The following CIT variants were observed in gnomAD, a reference collection of about 807,000 sequenced individuals.
CIT encodes citron Rho-interacting kinase.
Under a neutral mutation model 272.7 loss-of-function variants are expected in CIT, and 79 were observed. That is an observed-to-expected ratio of 0.29 (90% CI 0.24 to 0.35). The LOEUF (loss-of-function observed/expected upper bound fraction) is 0.35. Ranked by LOEUF, CIT falls within the 10% of genes least tolerant of loss-of-function variation. The probability of loss-of-function intolerance (pLI) is 1.00; values close to 1 mark genes in which losing one functional copy is unlikely to be tolerated. For missense variants in CIT, 1,909 were observed against 2,618.3 expected, an observed-to-expected ratio of 0.73 and a Z score of 5.91; for synonymous variants, 948 against 995.6, an observed-to-expected ratio of 0.95 and a Z score of 0.90.
intron 13 of CIT, among the ~76,000 whole-genome samples, chr12:119,780,808 T>G (rs1466392968): frequency 6.6e-6 from 1 of 152,224 alleles, no homozygotes; most frequent in Non-Finnish European, 1.5e-5. Context: ...TAAATCCTTG[T>G]TCCGATGAAA....
intron 23 of CIT, among the ~76,000 whole-genome samples, chr12:119,746,482 G>A (rs1157961858): frequency 2.0e-5 from 3 of 152,210 alleles, no homozygotes; most frequent in Non-Finnish European, 4.4e-5. Context: ...ACAGGAAGCT[G>A]AGAGTGGAGT....
chr12:119,776,162 G>T (rs1233567990), intron 15 of CIT, among the ~76,000 whole-genome samples, 196 bp downstream of exon 15: 2 of 152,136 alleles, frequency 1.3e-5, no homozygotes, highest in Non-Finnish European at 2.9e-5. Context: ...TGACAAAAAT[G>T]AGCTGTCTTT....
chr12:119,860,846 C>T (rs1420006968), intron 3 of CIT, among the ~76,000 whole-genome samples: 1 of 151,306 alleles, frequency 6.6e-6, no homozygotes, highest in Non-Finnish European at 1.5e-5. Context: ...AAAGACCAGG[C>T]GCAATGGCTC....
Position 119,718,364 on chromosome 12 carries a change from G to A in CIT, c.4049C>T (p.Ala1350Val), listed in dbSNP as rs1957647209. Residue 1350 changes from alanine to valine, a missense_variant, in exon 32 of 48, where the codon GCC becomes GTC. Physicochemically the swap from Ala to Val is moderately conservative, Grantham distance 64. This residue lies in a region of CIT where 780 missense variants were observed against 1,067.2 expected (regional missense o/e 0.73). Coordinates refer to ENST00000392521, the MANE Select transcript of CIT (RefSeq NM_001206999.2). The surrounding 1 kb of genome is among the most constrained non-coding windows in gnomAD (Gnocchi z 4.8). ...CATGGCGATCTGCTGCCTCGCGGTGGCTGGCGTGGATGGGTGTGGGTGGTC... is the reference window on the plus strand; with the variant it reads ...CATGGCGATCTGCTGCCTCGCGGTGACTGGCGTGGATGGGTGTGGGTGGTC... Reference protein sequence around the residue: ...ATDHPHPSTPATARQQIAMSA... With the variant: ...ATDHPHPSTPVTARQQIAMSA... 1.2e-6 allele frequency: 2 copies of A among 1,613,958 alleles called. No individual in the cohort carries two copies. Among genetic ancestry groups the A allele is most frequent in the Non-Finnish European group, 8.5e-7 (1 of 1,179,962 alleles).
chr12:119,819,327 T>C (rs1332144166), intron 9 of CIT, among the ~76,000 whole-genome samples: 1 of 152,062 alleles, frequency 6.6e-6, no homozygotes, highest in Non-Finnish European at 1.5e-5. Flanking sequence ...CATGGGGTGC[T>C]GCCTGCAGCA....
At chr12:119,862,982 A>G (rs1213403311) in intron 3 of CIT, among the ~76,000 whole-genome samples, 1 of 150,046 alleles carries the variant, frequency 6.7e-6, no homozygotes, top group Non-Finnish European at 1.5e-5. Context: ...AGGCCGGCGG[A>G]TCACAAGGTC....
chr12:119,785,144 T>TTG, intron 10 of CIT, 79 bp from the exon 11 acceptor site: 1 of 1,461,870 alleles, frequency 6.8e-7, no homozygotes, highest in Non-Finnish European at 9.3e-7. Flanking sequence ...AACATTTGTT[T>TTG]CATTTTACAA....
intron 10 of CIT, among the ~76,000 whole-genome samples, chr12:119,787,397 C>T (rs181018154): frequency 3.2e-4 from 49 of 151,446 alleles, no homozygotes; most frequent in Middle Eastern, 3.4e-3. Context: ...TACCACTGCA[C>T]TCCAGTCTGG....
At chr12:119,830,861 G>A (rs777025555) in intron 7 of CIT, among the ~76,000 whole-genome samples, 22 of 151,944 alleles carry the variant, frequency 1.4e-4, no homozygotes, top group Non-Finnish European at 2.9e-4. Context: ...TTAATTTCAC[G>A]AATGCAGCAT....
In CIT at chr12:119,701,760, G is replaced by C. The variant is rs758918547; in HGVS notation, c.5414-8C>G. The C allele has an allele frequency of 5.6e-6, 9 of 1,614,138 alleles. No individual in the cohort carries two copies. The Admixed American group carries it at 6.7e-5, about 12-fold the overall frequency. On this transcript the variant is annotated splice_region_variant and splice_polypyrimidine_tract_variant and intron_variant, in intron 42 of 47. Transcript: ENST00000392521. ...CATTCTTATCCAGGAATTCTGTAAA[G>C]GCAGGCGAGAAGCGGGGCTTCAGGA...
chr12:119,701,739 C>G lies in CIT; in HGVS notation c.5427G>C (p.Lys1809Asn). ...KQYTLEEFLD[K>N]NDHSLAPAVF... ...CAGCAGGTGCCAAGGAATGGTCATT[C>G]TTATCCAGGAATTCTGTAAAGGCAG... The change falls in exon 43 of 48, where the codon AAG (lysine) becomes AAC (asparagine). Residue 1809 changes from lysine to asparagine, a missense_variant. Lys to Asn is a moderately conservative substitution (Grantham distance 94, BLOSUM62 0). Around this residue, in one of 8 missense-constraint regions of CIT, gnomAD observed 780 missense variants for 1,067.2 expected, o/e 0.73. Coordinates refer to ENST00000392521, the MANE Select transcript of CIT (RefSeq NM_001206999.2). The G allele has an allele frequency of 6.2e-7, 1 of 1,614,254 alleles. No homozygotes were observed. The highest frequency in any genetic ancestry group is 8.5e-7 in the Non-Finnish European group (1 of 1,180,050).
In CIT at chr12:119,691,623, C is replaced by G. The variant is rs75455305; in HGVS notation, c.5883-1169G>C. Among the ~76,000 whole-genome samples the G allele has an allele frequency of 1.4e-3, 217 of 152,292 alleles. 1 individual carries two copies. Among genetic ancestry groups the G allele is most frequent in the African/African-American group, 5.1e-3 (210 of 41,556 alleles). On this transcript the variant is annotated intron_variant, in intron 46 of 47. Transcript: ENST00000392521. ...GCCTCAAAGGTTGATAATTAGTAAC[C>G]AAGCAGTTGAAAACACTGCGGCCTT... is the stretch of plus-strand genomic sequence containing the variant.
chr12:119,732,937 C>A (rs957796459), intron 26 of CIT, among the ~76,000 whole-genome samples: 1 of 152,182 alleles, frequency 6.6e-6, no homozygotes, highest in Admixed American at 6.5e-5. Context: ...AACTGGAAAG[C>A]GGCACCCGTC....
At chr12:119,692,611 C>G (rs564767297) in intron 46 of CIT, among the ~76,000 whole-genome samples, 2 of 152,212 alleles carry the variant, frequency 1.3e-5, no homozygotes, top group African/African-American at 4.8e-5. Context: ...CAGCTGCTTC[C>G]GCATGACCAC....
At position 119,712,216 on chromosome 12, in the gene CIT, C is replaced by G. The variant is rs1209149184; in HGVS notation, c.4816G>C (p.Gly1606Arg). Residue 1606 changes from glycine (G) to arginine (R), a missense_variant, in exon 37 of 48, where the codon GGT becomes CGT. Transcript: ENST00000392521. The surrounding 1 kb of genome is among the most constrained non-coding windows in gnomAD (Gnocchi z 5.2). ...GCTTTTTCCCTAGAAACTCTCCCAC[C>G]TGCGACAACTGATTCTAAGGCGGTG... ...WVTALESVVA[G>R]GRVSREKAEA... 2 of 1,609,776 alleles carry G rather than the reference C, an allele frequency of 1.2e-6. No homozygotes were observed. The highest frequency in any genetic ancestry group is 1.7e-5 in the Admixed American group (1 of 59,130).
chr12:119,860,241 C>A (rs1950297132), intron 3 of CIT, among the ~76,000 whole-genome samples: 1 of 152,006 alleles, frequency 6.6e-6, no homozygotes, highest in Non-Finnish European at 1.5e-5. Context: ...CAGACCCCAC[C>A]CCTCACTTCA....
chr12:119,702,726 A>G (rs1444792242), intron 41 of CIT, among the ~76,000 whole-genome samples: 1 of 152,094 alleles, frequency 6.6e-6, no homozygotes, highest in Admixed American at 6.6e-5. Flanking sequence ...CAGCATTCCA[A>G]TGAAGAGACA....
At position 119,770,721 on chromosome 12, in the gene CIT, C is replaced by G; in HGVS notation, c.2208+64G>C. 2 of 1,590,378 alleles carry G rather than the reference C, an allele frequency of 1.3e-6. No individual in the cohort carries two copies. The highest frequency in any genetic ancestry group is 1.7e-6 in the Non-Finnish European group (2 of 1,162,804). ...TTGTGGCGGTTAATTCTTCTTCTTACCCCCTTCCCTTTGCAAACTCTAACC... is the reference window on the plus strand; with the variant it reads ...TTGTGGCGGTTAATTCTTCTTCTTAGCCCCTTCCCTTTGCAAACTCTAACC... On this transcript the variant is annotated intron_variant, in intron 18 of 47. Coordinates refer to ENST00000392521, the MANE Select transcript of CIT (RefSeq NM_001206999.2). This position sits in a 1 kb window ranked among gnomAD's most constrained non-coding sequence, Gnocchi z 4.4.
chr12:119,857,815 C>T (rs1049059666), intron 3 of CIT, 117 bp from the exon 4 acceptor site: 76 of 885,556 alleles, frequency 8.6e-5, no homozygotes, highest in East Asian at 2.0e-4. Context: ...CTGTCAAAGA[C>T]ATTCACTTTC....
Sources: allele counts gnomAD v4.1 joint callset (sites outside exome capture counted in the v4.1 genomes callset), GRCh38; gene constraint gnomAD v4.1.1; regional missense constraint gnomAD v4.1.1; non-coding constraint Gnocchi (gnomAD v3.1); transcripts MANE v1.5; gene names NCBI Gene and HGNC (gene_info 2026-07-23, HGNC 2026-07-21).